The following SLC4A4 variants were observed in gnomAD, a reference collection of about 807,000 sequenced individuals.
The protein encoded by SLC4A4 is solute carrier family 4 member 4.
In SLC4A4, 27 loss-of-function variants were observed where a neutral mutation model predicts 111.5. That is an observed-to-expected ratio of 0.24 (90% CI 0.18 to 0.33). The LOEUF (loss-of-function observed/expected upper bound fraction) is 0.33, where lower values mean the gene tolerates loss of function less well. SLC4A4 is among the 10% of genes least tolerant of loss of function. The pLI, the probability that SLC4A4 is intolerant of heterozygous loss-of-function variation, is 1.00. For synonymous variants in SLC4A4, 443 were observed against 463.4 expected (o/e 0.96, Z 0.57); for missense variants, 909 against 1,315.5 (o/e 0.69, Z 4.78).
At chr4:71,301,734 G>A (rs1578788455) in intron 3 of SLC4A4, among the ~76,000 whole-genome samples, 1 of 152,216 alleles carries the variant, frequency 6.6e-6, no homozygotes, top group East Asian at 1.9e-4. Context: ...CAATACAGCT[G>A]ATGTCTTCAG....
chr4:71,286,113 G>C (rs961279212), intron 3 of SLC4A4, among the ~76,000 whole-genome samples: 1 of 152,102 alleles, frequency 6.6e-6, no homozygotes, highest in Non-Finnish European at 1.5e-5. Context: ...GGTGGCGGGC[G>C]CCTATAGTCC....
At chr4:71,298,202 C>T (rs1048285272) in intron 3 of SLC4A4, among the ~76,000 whole-genome samples, 1 of 152,056 alleles carries the variant, frequency 6.6e-6, no homozygotes, top group Non-Finnish European at 1.5e-5. Context: ...AATAAATGCC[C>T]CATGAGCTGT....
intron 16 of SLC4A4, among the ~76,000 whole-genome samples, chr4:71,514,355 A>G (rs1732192272): frequency 6.6e-6 from 1 of 152,164 alleles, no homozygotes. Context: ...GCAGCCATGT[A>G]GGACATGTCT....
At chr4:71,150,288 T>C (rs1201917116) in intron 2 of SLC4A4, among the ~76,000 whole-genome samples, 2 of 151,966 alleles carry the variant, frequency 1.3e-5, no homozygotes, top group Admixed American at 6.6e-5. Flanking sequence ...ATGGGTGAAA[T>C]AGCAACTGGG....
rs1430824162 is a variant in SLC4A4 at position 71,146,977 on chromosome 4, C to G, written c.-2+54185C>G. Among the ~76,000 whole-genome samples the G allele has an allele frequency of 4.6e-5, 7 of 151,472 alleles. No homozygotes were observed. In the East Asian group the frequency reaches 1.4e-3, roughly 29 times the overall value. ...TAAAGAGTCAAGACCCATCAGTGTG[C>G]TGTATTCAGGAAACCCATCTCACAT... On this transcript the variant is annotated intron_variant, in intron 2 of 26. Transcript: ENST00000649996.
chr4:71,236,697 C>A, intron 2 of SLC4A4, 48 bp downstream of exon 2: 1 of 1,423,438 alleles, frequency 7.0e-7, no homozygotes, highest in Non-Finnish European at 9.9e-7. Context: ...ACATATGTCT[C>A]TATAGATAAT....
chr4:71,124,394 T>C (rs1285183846), intron 2 of SLC4A4, among the ~76,000 whole-genome samples: 1 of 151,860 alleles, frequency 6.6e-6, no homozygotes, highest in Non-Finnish European at 1.5e-5. Flanking sequence ...ATGGTCTTGA[T>C]CTCTTGACTA....
At chr4:71,551,252 A>T (rs1237322158) in intron 20 of SLC4A4, among the ~76,000 whole-genome samples, 1 of 151,990 alleles carries the variant, frequency 6.6e-6, no homozygotes, top group East Asian at 1.9e-4. Flanking sequence ...CAAGTTAATT[A>T]GGAGTAGTCA....
chr4:71,413,245 C>T (rs1431300309), intron 7 of SLC4A4, among the ~76,000 whole-genome samples: 1 of 152,094 alleles, frequency 6.6e-6, no homozygotes, highest in Admixed American at 6.5e-5. Flanking sequence ...ATACAGCTGC[C>T]TGTTTGAAGT....
At chr4:71,187,908 AT>A (rs1190420202) in intron 1 of SLC4A4, among the ~76,000 whole-genome samples, 1 of 152,100 alleles carries the variant, frequency 6.6e-6, no homozygotes, top group African/African-American at 2.4e-5. Context: ...GAGCATTTAC[AT>A]CTCTCCCTGG....
intron 15 of SLC4A4, among the ~76,000 whole-genome samples, chr4:71,494,286 A>T (rs1403901167): frequency 1.3e-5 from 2 of 152,004 alleles, no homozygotes; most frequent in Non-Finnish European, 2.9e-5. Flanking sequence ...GGCAGAAAGG[A>T]CTTCTGAGAT....
chr4:71,162,570 T>C (rs1204540067), intron 2 of SLC4A4, among the ~76,000 whole-genome samples: 1 of 152,178 alleles, frequency 6.6e-6, no homozygotes, highest in Non-Finnish European at 1.5e-5. Flanking sequence ...ATCTTTTAAA[T>C]GGATTCATAG....
intron 3 of SLC4A4, among the ~76,000 whole-genome samples, chr4:71,281,300 A>G (rs1246639333): frequency 6.6e-6 from 1 of 152,210 alleles, no homozygotes; most frequent in African/African-American, 2.4e-5. Flanking sequence ...CCAACTTTGT[A>G]TTTAATACAA....
intron 8 of SLC4A4, among the ~76,000 whole-genome samples, chr4:71,445,182 C>G (rs1323833300): frequency 6.6e-6 from 1 of 152,082 alleles, no homozygotes; most frequent in African/African-American, 2.4e-5. Flanking sequence ...TAGCAGAGAA[C>G]AAAGAGTAAA....
chr4:71,451,962 A>G (rs938659007), intron 11 of SLC4A4, among the ~76,000 whole-genome samples: 1 of 152,210 alleles, frequency 6.6e-6, no homozygotes, highest in African/African-American at 2.4e-5. Context: ...CAGGTTTCCT[A>G]AATTGCTTCA....
chr4:71,376,064 T>C (rs997083074), intron 6 of SLC4A4, among the ~76,000 whole-genome samples: 2 of 149,146 alleles, frequency 1.3e-5, no homozygotes, highest in East Asian at 2.0e-4. Flanking sequence ...TATATATATA[T>C]ACATATACAC....
At chr4:71,515,283 C>T (rs79953750) in intron 16 of SLC4A4, among the ~76,000 whole-genome samples, 138 of 151,824 alleles carry the variant, frequency 9.1e-4, no homozygotes, top group East Asian at 2.5e-3. Context: ...TATAAATTTC[C>T]GAAGTTTATA....
intron 1 of SLC4A4, among the ~76,000 whole-genome samples, chr4:71,084,849 G>A (rs936173894): frequency 6.6e-6 from 1 of 151,976 alleles, no homozygotes; most frequent in African/African-American, 2.4e-5. Flanking sequence ...ATTGTGAATA[G>A]TGCCACAATA....
intron 3 of SLC4A4, among the ~76,000 whole-genome samples, chr4:71,276,624 A>G (rs955402931): frequency 6.9e-6 from 1 of 145,764 alleles, no homozygotes; most frequent in African/African-American, 2.6e-5. Context: ...CCTTAGTTCC[A>G]TCTAAGTTGT....
Sources: gnomAD v4.1 joint callset for allele counts (sites outside exome capture counted in the v4.1 genomes callset) on GRCh38, gnomAD v4.1.1 for gene constraint, MANE v1.5 for transcripts, NCBI Gene and HGNC (gene_info 2026-07-23, HGNC 2026-07-21) for gene names.